Variants in EVA1C observed in about 807,000 individuals in gnomAD.
EVA1C encodes the protein eva-1 homolog C, also known as protein eva-1 homolog C.
Under a neutral mutation model 45.4 loss-of-function variants are expected in EVA1C, and 25 were observed. The ratio of observed to expected loss-of-function variants is 0.55; its 90% CI spans 0.40 to 0.77. EVA1C has a LOEUF of 0.77. Ranked by LOEUF, EVA1C falls within the 30% of genes least tolerant of loss-of-function variation. The pLI is 0.00. For missense variants in EVA1C, 479 were observed against 554.8 expected, an observed-to-expected ratio of 0.86 and a Z score of 1.37; for synonymous variants, 190 against 221.2, an observed-to-expected ratio of 0.86 and a Z score of 1.25.
intron 4 of EVA1C, 111 bp downstream of exon 4, chr21:32,467,959 T>A: frequency 1.5e-6 from 1 of 681,328 alleles, no homozygotes; most frequent in Non-Finnish European, 2.0e-6. Flanking sequence ...AGTCAATACT[T>A]AACACAATCA....
chr21:32,420,826 G>A (rs980315121), intron 1 of EVA1C, among the ~76,000 whole-genome samples: 22 of 152,208 alleles, frequency 1.4e-4, no homozygotes, highest in Non-Finnish European at 3.1e-4. Flanking sequence ...AGAAACTGAG[G>A]CAAAGAGCAA....
At chr21:32,506,270 G>C (rs1173816176) in intron 7 of EVA1C, among the ~76,000 whole-genome samples, 1 of 147,516 alleles carries the variant, frequency 6.8e-6, no homozygotes, top group African/African-American at 2.5e-5. Flanking sequence ...TGCTGGTACA[G>C]AACAGGTGCA....
At position 32,424,050 on chromosome 21, in the gene EVA1C, G is replaced by A. The variant is rs190022393; in HGVS notation, c.160+11037G>A. ...GCATTCCTTTGATGATTACAAATGA[G>A]TCCCTTTTCCCCTGCAATGTGGGGG... On this transcript the variant is annotated intron_variant, in intron 1 of 7. Transcript: ENST00000300255. Among the ~76,000 whole-genome samples the A allele has an allele frequency of 3.3e-5, 5 of 152,280 alleles. No homozygotes were observed. The East Asian group carries it at 9.6e-4, about 29-fold the overall frequency.
intron 1 of EVA1C, among the ~76,000 whole-genome samples, chr21:32,445,536 G>C (rs781435593): frequency 1.3e-5 from 2 of 152,190 alleles, no homozygotes; most frequent in Non-Finnish European, 2.9e-5. Context: ...CTTTGGCTTA[G>C]TAAGTATGGG....
intron 1 of EVA1C, among the ~76,000 whole-genome samples, chr21:32,415,117 A>G (rs2146089346): frequency 6.6e-6 from 1 of 152,232 alleles, no homozygotes; most frequent in South Asian, 2.1e-4. Flanking sequence ...CGCGAACCCC[A>G]TGTGGCCTCA....
At chr21:32,494,914 C>G (rs978431088) in intron 4 of EVA1C, 113 bp from the exon 5 acceptor site, 9 of 1,135,906 alleles carry the variant, frequency 7.9e-6, no homozygotes, top group Non-Finnish European at 1.1e-5. Flanking sequence ...CAGAGAAACT[C>G]TCCATTTGAT....
intron 7 of EVA1C, among the ~76,000 whole-genome samples, chr21:32,508,026 T>C (rs1387149384): frequency 1.3e-5 from 2 of 152,102 alleles, no homozygotes; most frequent in South Asian, 2.1e-4. Context: ...TGTGTGTGCA[T>C]GCACATGTGC....
intron 5 of EVA1C, among the ~76,000 whole-genome samples, chr21:32,496,023 C>T (rs1194287324): frequency 6.6e-6 from 1 of 152,202 alleles, no homozygotes; most frequent in African/African-American, 2.4e-5. Flanking sequence ...TCACCTGTTA[C>T]AGCATACAAA....
intron 4 of EVA1C, among the ~76,000 whole-genome samples, chr21:32,485,365 C>T (rs1243011968): frequency 1.3e-5 from 2 of 152,154 alleles, no homozygotes; most frequent in Non-Finnish European, 2.9e-5. Context: ...GGTGAGGTTT[C>T]GCCATGTTGG....
At chr21:32,486,351 C>G (rs1043743316) in intron 4 of EVA1C, among the ~76,000 whole-genome samples, 2 of 152,206 alleles carry the variant, frequency 1.3e-5, no homozygotes. Flanking sequence ...TCTTGAACTC[C>G]TGACCTCAGG....
chr21:32,432,086 T>A (rs1324404590), intron 1 of EVA1C, among the ~76,000 whole-genome samples: 1 of 152,110 alleles, frequency 6.6e-6, no homozygotes, highest in African/African-American at 2.4e-5. Context: ...AGATGGTTAT[T>A]TGATGGAATG....
intron 3 of EVA1C, among the ~76,000 whole-genome samples, chr21:32,460,943 A>G (rs1329472664): frequency 6.6e-6 from 1 of 152,122 alleles, no homozygotes; most frequent in Non-Finnish European, 1.5e-5. Flanking sequence ...ACAGGGTTTC[A>G]CCATGTTGGC....
At chr21:32,488,105 T>C (rs1314811992) in intron 4 of EVA1C, among the ~76,000 whole-genome samples, 1 of 152,112 alleles carries the variant, frequency 6.6e-6, no homozygotes, top group Admixed American at 6.6e-5. Context: ...CAAGAAAATA[T>C]TCTCAAACCT....
intron 1 of EVA1C, among the ~76,000 whole-genome samples, chr21:32,416,324 T>TTTC (rs1555847486): frequency 8.1e-4 from 110 of 135,380 alleles, no homozygotes; most frequent in African/African-American, 2.7e-3. Flanking sequence ...TCTTTTTCTT[T>TTTC]TTTTTTTTTT....
At chr21:32,463,558 G>A (rs532373747) in intron 3 of EVA1C, among the ~76,000 whole-genome samples, 4 of 152,270 alleles carry the variant, frequency 2.6e-5, no homozygotes, top group Admixed American at 1.3e-4. Context: ...AGGCCCCTCC[G>A]TTCCAGGAGA....
intron 1 of EVA1C, among the ~76,000 whole-genome samples, chr21:32,439,022 A>T (rs1323609950): frequency 1.3e-5 from 2 of 151,860 alleles, no homozygotes; most frequent in Non-Finnish European, 2.9e-5. Context: ...GATCACTTGA[A>T]GTCGGGAGTT....
At chr21:32,493,216 C>T (rs2037225499) in intron 4 of EVA1C, among the ~76,000 whole-genome samples, 1 of 152,156 alleles carries the variant, frequency 6.6e-6, no homozygotes, top group Admixed American at 6.5e-5. Context: ...GCTCTTTAAG[C>T]CTGTAACTCC....
chr21:32,464,366 T>A lies in EVA1C; in HGVS notation c.482-3330T>A. Among the ~76,000 whole-genome samples, 2 of 152,310 alleles carry A rather than the reference T, an allele frequency of 1.3e-5. 1 individual carries two copies. Among genetic ancestry groups the A allele is most frequent in the South Asian group, 4.1e-4 (2 of 4,822 alleles). On this transcript the variant is annotated intron_variant, in intron 3 of 7. Transcript: ENST00000300255. ...CCCAGCCTTTCATTCATCTTGAATG[T>A]TCCCGTCCTCATGGATGAAAGGATA...
chr21:32,429,893 T>C (rs1186193757), intron 1 of EVA1C, among the ~76,000 whole-genome samples: 1 of 152,248 alleles, frequency 6.6e-6, no homozygotes, highest in African/African-American at 2.4e-5. Flanking sequence ...AAATTCTTAA[T>C]GAGATATTTT....
Sources: allele counts gnomAD v4.1 joint callset (sites outside exome capture counted in the v4.1 genomes callset), GRCh38; gene constraint gnomAD v4.1.1; transcripts MANE v1.5; gene names NCBI Gene and HGNC (gene_info 2026-07-23, HGNC 2026-07-21).